SGCZ: variants seen among roughly 807,000 people sequenced by gnomAD.
SGCZ encodes the protein zeta-sarcoglycan.
Under a neutral mutation model 41.3 loss-of-function variants are expected in SGCZ, and 40 were observed. The observed-to-expected ratio is 0.97, with a 90% confidence interval of 0.75 to 1.26. SGCZ has a LOEUF of 1.26. Ranked by LOEUF, SGCZ falls within the 50% of genes most tolerant of loss-of-function variation. The probability of loss-of-function intolerance (pLI) is 0.00; values close to 1 mark genes in which losing one functional copy is unlikely to be tolerated. For missense variants in SGCZ, 552 were observed against 369.8 expected, an observed-to-expected ratio of 1.49 and a Z score of -4.04; for synonymous variants, 206 against 137.5, an observed-to-expected ratio of 1.50 and a Z score of -3.49.
intron 1 of SGCZ, among the ~76,000 whole-genome samples, chr8:14,868,992 C>G (rs898397998): frequency 2.6e-5 from 4 of 152,042 alleles, no homozygotes; most frequent in African/African-American, 9.7e-5. Flanking sequence ...AGATTCACAG[C>G]CGAACTCTAC....
chr8:14,551,542 A>ATT (rs1279768858), intron 2 of SGCZ, among the ~76,000 whole-genome samples: 2 of 7,078 alleles, frequency 2.8e-4, no homozygotes, highest in Non-Finnish European at 5.4e-4. Flanking sequence ...TAATATATAT[A>ATT]ATATATATAA....
intron 1 of SGCZ, among the ~76,000 whole-genome samples, chr8:14,815,453 G>T (rs1801875454): frequency 1.3e-5 from 2 of 151,828 alleles, no homozygotes; most frequent in South Asian, 4.2e-4. Flanking sequence ...TGTAGAGATG[G>T]GAGAGTAAGA....
chr8:14,130,661 C>T (rs184137901), intron 5 of SGCZ, among the ~76,000 whole-genome samples: 15 of 152,178 alleles, frequency 9.9e-5, no homozygotes, highest in Admixed American at 9.8e-4. Flanking sequence ...AAAAAGCAGC[C>T]ACTAAATCAT....
At chr8:14,712,876 A>C (rs545640533) in intron 1 of SGCZ, among the ~76,000 whole-genome samples, 2 of 152,000 alleles carry the variant, frequency 1.3e-5, no homozygotes, top group Non-Finnish European at 2.9e-5. Context: ...ACCAGGTCAC[A>C]TTTTGGCAAT....
chr8:14,225,597 T>A (rs1481557391), intron 4 of SGCZ, among the ~76,000 whole-genome samples: 2 of 152,024 alleles, frequency 1.3e-5, no homozygotes, highest in Non-Finnish European at 2.9e-5. Context: ...ACAGAAAAAG[T>A]CAGAGGGATA....
At chr8:14,369,216 A>G (rs1473295237) in intron 2 of SGCZ, among the ~76,000 whole-genome samples, 1 of 152,022 alleles carries the variant, frequency 6.6e-6, no homozygotes, top group Admixed American at 6.6e-5. Flanking sequence ...TCAAAATCAG[A>G]TCCAGAATCC....
intron 3 of SGCZ, among the ~76,000 whole-genome samples, chr8:14,322,444 T>A (rs1236680369): frequency 1.3e-5 from 2 of 152,084 alleles, no homozygotes; most frequent in African/African-American, 4.8e-5. Flanking sequence ...TGCTATAATG[T>A]TAGTGGACTC....
At chr8:15,032,461 G>T (rs1024902101) in intron 1 of SGCZ, among the ~76,000 whole-genome samples, 1 of 152,034 alleles carries the variant, frequency 6.6e-6, no homozygotes. Flanking sequence ...CCAACACCAG[G>T]CCCACTCTAG....
At chr8:15,077,943 G>C (rs62494573) in intron 1 of SGCZ, among the ~76,000 whole-genome samples, 22,811 of 152,040 alleles carry the variant, frequency 0.15, 1,766 homozygotes, top group Middle Eastern at 0.22. Context: ...GTGTTTACAC[G>C]AGATGTTTTT....
At chr8:15,141,633 G>A (rs1808324921) in intron 1 of SGCZ, among the ~76,000 whole-genome samples, 2 of 152,218 alleles carry the variant, frequency 1.3e-5, no homozygotes, top group Non-Finnish European at 1.5e-5. Context: ...TCCATGCACG[G>A]TGGCTCACGC....
chr8:15,131,345 C>A (rs565207564), intron 1 of SGCZ, among the ~76,000 whole-genome samples: 1 of 152,266 alleles, frequency 6.6e-6, no homozygotes, highest in Non-Finnish European at 1.5e-5. Flanking sequence ...GGCTCTCATT[C>A]TCTCTTGCCT....
chr8:14,864,105 T>C (rs1369236470), intron 1 of SGCZ, among the ~76,000 whole-genome samples: 1 of 152,168 alleles, frequency 6.6e-6, no homozygotes, highest in African/African-American at 2.4e-5. Context: ...CAACATATTC[T>C]TGAACTAGAT....
chr8:14,496,232 A>G (rs1382687554), intron 2 of SGCZ, among the ~76,000 whole-genome samples: 1 of 114,318 alleles, frequency 8.7e-6, no homozygotes, highest in Admixed American at 9.7e-5. Flanking sequence ...TGCCTGGCTA[A>G]TTTTTAAATT....
intron 2 of SGCZ, among the ~76,000 whole-genome samples, chr8:14,552,362 G>A (rs117313181): frequency 6.6e-6 from 1 of 152,012 alleles, no homozygotes; most frequent in African/African-American, 2.4e-5. Flanking sequence ...ACCTTACAAA[G>A]AGTGTGTCAC....
At chr8:14,688,313 T>C (rs977155699) in intron 1 of SGCZ, among the ~76,000 whole-genome samples, 6 of 152,136 alleles carry the variant, frequency 3.9e-5, no homozygotes, top group Non-Finnish European at 7.4e-5. Context: ...TCTTCTAGGG[T>C]TTTTATGGTT....
intron 1 of SGCZ, among the ~76,000 whole-genome samples, chr8:14,599,742 T>C (rs534466909): frequency 2.3e-4 from 35 of 152,368 alleles, no homozygotes; most frequent in Non-Finnish European, 4.1e-4. Flanking sequence ...TCTTTCTTTT[T>C]ACTAAAGCTC....
chr8:14,125,885 A>G (rs887006591), intron 5 of SGCZ, among the ~76,000 whole-genome samples: 1 of 152,216 alleles, frequency 6.6e-6, no homozygotes, highest in African/African-American at 2.4e-5. Context: ...AGGATTCCCT[A>G]TTCAATAAAT....
At chr8:14,555,396 G>A (rs961267244) in intron 1 of SGCZ, among the ~76,000 whole-genome samples, 16 of 151,924 alleles carry the variant, frequency 1.1e-4, no homozygotes, top group Non-Finnish European at 2.9e-5. Context: ...TCTGGTAATA[G>A]AGTTCTCATG....
chr8:14,935,900 T>C (rs1181360839), intron 1 of SGCZ, among the ~76,000 whole-genome samples: 1 of 151,602 alleles, frequency 6.6e-6, no homozygotes, highest in Non-Finnish European at 1.5e-5. Context: ...AGAAACAAAA[T>C]AATAAACAAA....
Sources: allele counts gnomAD v4.1 joint callset (sites outside exome capture counted in the v4.1 genomes callset), GRCh38; gene constraint gnomAD v4.1.1; transcripts MANE v1.5; gene names NCBI Gene and HGNC (gene_info 2026-07-23, HGNC 2026-07-21).